Variants in MACROH2A1 observed in about 807,000 individuals in gnomAD.
MACROH2A1 encodes core histone macro-H2A.1.
In MACROH2A1, 2 loss-of-function variants were observed where a neutral mutation model predicts 31.6. That is an observed-to-expected ratio of 0.06 (90% CI 0.03 to 0.20). The LOEUF is 0.20. Ranked by LOEUF, MACROH2A1 falls within the 10% of genes least tolerant of loss-of-function variation. The probability of loss-of-function intolerance (pLI) is 1.00; values close to 1 mark genes in which losing one functional copy is unlikely to be tolerated. For missense variants in MACROH2A1, 230 were observed against 474.0 expected (o/e 0.49, Z 4.78); for synonymous variants, 169 against 189.6 (o/e 0.89, Z 0.89).
chr5:135,385,324 G>A (rs576559472), intron 2 of MACROH2A1, among the ~76,000 whole-genome samples: 1 of 152,348 alleles, frequency 6.6e-6, no homozygotes, highest in Non-Finnish European at 1.5e-5. Context: ...ACACCCACTT[G>A]CAGTCCTGTC....
At chr5:135,367,123 A>G (rs1399239245) in intron 4 of MACROH2A1, among the ~76,000 whole-genome samples, 1 of 152,234 alleles carries the variant, frequency 6.6e-6, no homozygotes, top group Admixed American at 6.5e-5. Flanking sequence ...GCATGTTACT[A>G]AGGCTTTCTC....
At chr5:135,351,715 A>C (rs1169148764) in intron 6 of MACROH2A1, among the ~76,000 whole-genome samples, 1 of 150,914 alleles carries the variant, frequency 6.6e-6, no homozygotes, top group Non-Finnish European at 1.5e-5. Context: ...GGCACGTGTC[A>C]CCAAGCCCAG....
Position 135,345,853 on chromosome 5 carries a change from T to C in MACROH2A1, c.778+115A>G, listed in dbSNP as rs1390841475. 9 of 717,936 alleles carry C rather than the reference T, an allele frequency of 1.3e-5. No homozygotes were observed. In the Admixed American group the frequency reaches 1.7e-4, roughly 14 times the overall value. The allele number at this position is 717,936 out of a possible 1,614,324, so 44.5% of individuals were successfully genotyped here. On this transcript the variant is annotated intron_variant, in intron 7 of 8. Coordinates refer to ENST00000511689, the MANE Select transcript of MACROH2A1 (RefSeq NM_138610.3). The stretch of plus-strand genomic sequence containing the variant: ...CTACAGGCTGTCCTTGGCCTCCATC[T>C]TGAAGATGCGGCTGTGCTGCCACAC...
At chr5:135,359,321 CA>C in intron 5 of MACROH2A1, 10 of 985,294 alleles carry the variant, frequency 1.0e-5, no homozygotes, top group Non-Finnish European at 1.2e-5. Context: ...GAATATGTTA[CA>C]GGGGTGAAAG....
At chr5:135,365,745 C>T (rs189204286) in intron 4 of MACROH2A1, among the ~76,000 whole-genome samples, 1 of 152,354 alleles carries the variant, frequency 6.6e-6, no homozygotes, top group East Asian at 1.9e-4. Flanking sequence ...AATATACTCA[C>T]TCTTTGCCTC....
At chr5:135,363,769 T>G (rs1400034535) in intron 4 of MACROH2A1, among the ~76,000 whole-genome samples, 2 of 152,234 alleles carry the variant, frequency 1.3e-5, no homozygotes, top group African/African-American at 4.8e-5. Flanking sequence ...TCCACAATGG[T>G]TGAACTAGTT....
At chr5:135,343,031 G>A in intron 8 of MACROH2A1, 1 of 973,370 alleles carries the variant, frequency 1.0e-6, no homozygotes, top group Non-Finnish European at 1.5e-6. Context: ...CTTCTGTGAT[G>A]ACATTTGCTA....
At chr5:135,346,606 G>C (rs753608791) in intron 6 of MACROH2A1, 1 of 152,510 alleles carries the variant, frequency 6.6e-6, no homozygotes, top group Non-Finnish European at 1.5e-5. Context: ...CTGTTTTGCA[G>C]CTTTGGTGTC....
chr5:135,399,196 T>C lies in MACROH2A1; in HGVS notation c.-168A>G. 6.6e-6 allele frequency: 1 copy of C among 152,554 alleles called. No individual in the cohort carries two copies. Among genetic ancestry groups the C allele is most frequent in the Non-Finnish European group, 1.5e-5 (1 of 68,522 alleles). The allele number at this position is 152,554 out of a possible 1,614,324, so 9.5% of individuals were successfully genotyped here. A position where few individuals can be genotyped will look rare whatever the true frequency, so the allele number is the denominator to read the frequency against. The stretch of plus-strand genomic sequence containing the variant: ...CTTCCCGCCCGCGCGGCCCGCGCTC[T>C]CCCCCTCCGCCCGGCGCCGCTGCCG... On this transcript the variant is annotated 5_prime_UTR_variant, in exon 1 of 9. Transcript: ENST00000511689. The surrounding 1 kb of genome is among the most constrained non-coding windows in gnomAD (Gnocchi z 4.5).
At chr5:135,367,582 T>A (rs1763666726) in intron 4 of MACROH2A1, among the ~76,000 whole-genome samples, 1 of 151,966 alleles carries the variant, frequency 6.6e-6, no homozygotes, top group South Asian at 2.1e-4. Context: ...AAGACTAGAG[T>A]AACAGGAACA....
chr5:135,343,298 C>G lies in MACROH2A1; in HGVS notation c.915G>C (p.Lys305Asn), dbSNP rs1209924820. Residue 305 changes from lysine to asparagine, a missense_variant, in exon 8 of 9, where the codon AAG (lysine) becomes AAC (asparagine). By Grantham distance (94) the Lys-to-Asn change is moderately conservative (BLOSUM62 0). Coordinates refer to ENST00000511689, the MANE Select transcript of MACROH2A1 (RefSeq NM_138610.3). ...KNCLALADDK[K>N]LKSIAFPSIG... ...TGGATGGAAATGCAATGGATTTCAG[C>G]TTCTTATCATCAGCCAGGGCCAAGC... is the stretch of plus-strand genomic sequence containing the variant. 1 of 1,614,096 alleles carries G rather than the reference C, an allele frequency of 6.2e-7. No individual in the cohort carries two copies. Among genetic ancestry groups the G allele is most frequent in the African/African-American group, 1.3e-5 (1 of 74,936 alleles).
chr5:135,394,178 G>C (rs889396559), intron 1 of MACROH2A1, among the ~76,000 whole-genome samples: 3 of 152,182 alleles, frequency 2.0e-5, no homozygotes, highest in African/African-American at 7.2e-5. Flanking sequence ...CATCCTAACA[G>C]GCTGCTCCCT....
intron 2 of MACROH2A1, among the ~76,000 whole-genome samples, chr5:135,381,290 T>C (rs1379193750): frequency 6.6e-6 from 1 of 152,230 alleles, no homozygotes; most frequent in Non-Finnish European, 1.5e-5. Context: ...GAGAAGTCTT[T>C]ATAGTTTTGG....
At chr5:135,359,435 T>C in intron 5 of MACROH2A1, 5 of 984,712 alleles carry the variant, frequency 5.1e-6, no homozygotes, top group Non-Finnish European at 6.0e-6. Context: ...AGATGACAAC[T>C]AGTGCTACTT....
At chr5:135,358,121 G>T in intron 5 of MACROH2A1, 5 of 984,180 alleles carry the variant, frequency 5.1e-6, no homozygotes, top group Non-Finnish European at 6.0e-6. Context: ...TGTAAAAACT[G>T]TGTGTTAGTT....
intron 2 of MACROH2A1, among the ~76,000 whole-genome samples, chr5:135,372,049 G>T (rs1764240719): frequency 6.6e-6 from 1 of 152,136 alleles, no homozygotes; most frequent in African/African-American, 2.4e-5. Flanking sequence ...TTGGGGGCAG[G>T]GGCGGGAGGA....
intron 1 of MACROH2A1, among the ~76,000 whole-genome samples, chr5:135,393,999 C>T (rs574747481): frequency 4.6e-5 from 7 of 152,224 alleles, no homozygotes; most frequent in African/African-American, 1.2e-4. Context: ...ACTGGAGCAA[C>T]GCAGTCAGTT....
intron 1 of MACROH2A1, among the ~76,000 whole-genome samples, chr5:135,393,779 A>C (rs1041375989): frequency 1.3e-5 from 2 of 152,110 alleles, no homozygotes; most frequent in African/African-American, 4.8e-5. Flanking sequence ...TAGAAAATGA[A>C]GGTTCTGTGA....
At chr5:135,341,241 G>A (rs2149721266) in intron 8 of MACROH2A1, among the ~76,000 whole-genome samples, 1 of 152,362 alleles carries the variant, frequency 6.6e-6, no homozygotes, top group Admixed American at 6.5e-5. Context: ...GACCAGGGCA[G>A]AGAGGCTGAT....
Sources: allele counts gnomAD v4.1 joint callset (sites outside exome capture counted in the v4.1 genomes callset), GRCh38; gene constraint gnomAD v4.1.1; non-coding constraint Gnocchi (gnomAD v3.1); transcripts MANE v1.5; gene names NCBI Gene and HGNC (gene_info 2026-07-23, HGNC 2026-07-21).